Variants in BPIFB1 observed in about 807,000 individuals in gnomAD.
The protein encoded by BPIFB1 is BPI fold containing family B member 1, also known as BPI fold-containing family B member 1.
BPIFB1 carries 34 observed loss-of-function variants against 55.1 expected under a neutral mutation model. The ratio of observed to expected loss-of-function variants is 0.62; its 90% CI spans 0.47 to 0.82. BPIFB1 has a LOEUF of 0.82. BPIFB1 is among the 40% of genes least tolerant of loss of function. The pLI is 0.00. For missense variants in BPIFB1, 532 were observed against 593.1 expected, an observed-to-expected ratio of 0.90 and a Z score of 1.07; for synonymous variants, 236 against 245.3, an observed-to-expected ratio of 0.96 and a Z score of 0.35.
Position 33,305,692 on chromosome 20 carries a change from G to A in BPIFB1, c.1255-310G>A, listed in dbSNP as rs376526284. ...CTTCCCTCCAGAAGTCAGAAGTTCA[G>A]GCAATGCAGGGCAAAATTCCCTCAG... On this transcript the variant is annotated intron_variant, in intron 13 of 15. Transcript: ENST00000253354. Among the ~76,000 whole-genome samples, 4 of 152,088 alleles carry A rather than the reference G, an allele frequency of 2.6e-5. No individual in the cohort carries two copies. The East Asian group carries it at 7.7e-4, about 29-fold the overall frequency.
intron 14 of BPIFB1, chr20:33,306,690 G>A (rs1981037428): frequency 3.5e-6 from 2 of 579,196 alleles, no homozygotes; most frequent in South Asian, 4.1e-5. Context: ...GAGAATGTGA[G>A]GACTGCATTT....
At chr20:33,298,044 GGATA>G (rs1205832428) in intron 7 of BPIFB1, among the ~76,000 whole-genome samples, 2 of 152,110 alleles carry the variant, frequency 1.3e-5, no homozygotes, top group African/African-American at 2.4e-5. Context: ...ATGGATGGAT[GGATA>G]GATGGATGGA....
intron 15 of BPIFB1, 55 bp downstream of exon 15, chr20:33,307,042 G>GCCCT (rs1981053929): frequency 2.6e-6 from 4 of 1,534,944 alleles, no homozygotes; most frequent in Non-Finnish European, 3.6e-6. Flanking sequence ...GCCACTGAGA[G>GCCCT]CCCTGGCTGG....
chr20:33,289,135 C>G (rs747188506), intron 3 of BPIFB1, among the ~76,000 whole-genome samples: 23 of 152,130 alleles, frequency 1.5e-4, no homozygotes, highest in Non-Finnish European at 2.5e-4. Context: ...AATCCCAGCA[C>G]TTTGGGAGGC....
intron 7 of BPIFB1, 159 bp downstream of exon 7, chr20:33,297,747 G>A (rs1223643000): frequency 2.3e-5 from 17 of 751,726 alleles, no homozygotes; most frequent in South Asian, 1.0e-4. Flanking sequence ...CCCCAGACGC[G>A]CAGACAGAAA....
chr20:33,305,511 G>T (rs184742485), intron 13 of BPIFB1, among the ~76,000 whole-genome samples: 86 of 151,848 alleles, frequency 5.7e-4, no homozygotes, highest in Non-Finnish European at 9.9e-4. Context: ...TAGAGACAGG[G>T]TTTCACCATG....
chr20:33,303,465 T>G (rs11908550), intron 11 of BPIFB1, among the ~76,000 whole-genome samples: 1 of 152,210 alleles, frequency 6.6e-6, no homozygotes. Context: ...TATTCCCTCA[T>G]GGTAGTGCCC....
rs1235982482 is a variant in BPIFB1, at chr20:33,289,935, C to T, written c.308C>T (p.Ala103Val). Reference protein sequence around the residue: ...NILQLQVKPSANDQELLVKIP... With the variant: ...NILQLQVKPSVNDQELLVKIP... ...CTCCAGCTGCAGGTGAAGCCCTCGG[C>T]CAATGACCAGGAGCTGCTAGTCAAG... Residue 103 changes from alanine to valine, a missense_variant, in exon 4 of 16, where the codon GCC becomes GTC. Transcript: ENST00000253354. 6.2e-7 allele frequency: 1 copy of T among 1,614,036 alleles called. No homozygotes were observed. The highest frequency in any genetic ancestry group is 8.5e-7 in the Non-Finnish European group (1 of 1,180,036).
intron 13 of BPIFB1, among the ~76,000 whole-genome samples, chr20:33,305,521 G>T (rs931384225): frequency 1.3e-5 from 2 of 151,974 alleles, no homozygotes; most frequent in Admixed American, 6.6e-5. Context: ...GTTTCACCAT[G>T]TTAGCCAAGA....
At chr20:33,293,636 C>T (rs1020845319) in intron 6 of BPIFB1, among the ~76,000 whole-genome samples, 9 of 152,064 alleles carry the variant, frequency 5.9e-5, no homozygotes, top group African/African-American at 1.9e-4. Context: ...CCAGGATTTG[C>T]GACTTGCCTG....
At chr20:33,306,642 T>A (rs1600670751) in intron 14 of BPIFB1, 1 of 484,302 alleles carries the variant, frequency 2.1e-6, no homozygotes, top group Non-Finnish European at 3.7e-6. Context: ...CTGCTGGGGA[T>A]AATGGGAGCC....
At chr20:33,285,495 C>T (rs1329253996) in intron 1 of BPIFB1, among the ~76,000 whole-genome samples, 10 of 151,588 alleles carry the variant, frequency 6.6e-5, no homozygotes, top group East Asian at 1.9e-4. Flanking sequence ...GGGCAGATCA[C>T]GAGGTCAGGA....
At position 33,288,875 on chromosome 20, in the gene BPIFB1, A is replaced by G. The variant is rs1078761; in HGVS notation, c.250A>G (p.Ile84Val). ...CCTGGTGAACACCGTCCTGAAGCAC[A>G]TCATCTGGTGAGTGGAGCAGGACCA... ...GSLVNTVLKH[I>V]IWLKVITANI... The change falls in exon 3 of 16, where the codon ATC becomes GTC. Residue 84 changes from isoleucine to valine, a missense_variant. Coordinates refer to ENST00000253354, the MANE Select transcript of BPIFB1 (RefSeq NM_033197.3). The G allele has an allele frequency of 0.28, 450,643 of 1,612,544 alleles. 65,697 individuals carry two copies. Among genetic ancestry groups the G allele is most frequent in the African/African-American group, 0.46 (34,619 of 74,928 alleles).
intron 6 of BPIFB1, among the ~76,000 whole-genome samples, chr20:33,295,664 G>GGAAGAAAGAAAGAAAGAGAA (rs1980619422): frequency 6.9e-6 from 1 of 143,886 alleles, no homozygotes; most frequent in Admixed American, 7.1e-5. Context: ...AAGAAAGAGA[G>GGAAGAAAGAAAGAAAGAGAA]AAAGAAAGAA....
At chr20:33,306,119 C>T (rs1981018817) in intron 14 of BPIFB1, 54 bp downstream of exon 14, 1 of 1,584,920 alleles carries the variant, frequency 6.3e-7, no homozygotes, top group Non-Finnish European at 8.7e-7. Context: ...GGCTTTACTT[C>T]CCCTGCCCTC....
chr20:33,304,129 G>A lies in BPIFB1; in HGVS notation c.1208+104G>A, dbSNP rs535703617. On this transcript the variant is annotated intron_variant, in intron 12 of 15. Transcript: ENST00000253354. The stretch of plus-strand genomic sequence containing the variant: ...GACTTTGTGGCTGTCAGGTGAAGGC[G>A]GCTCCAGGGTAGGCAGGGAGGTCCT... 173 of 1,018,368 alleles carry A rather than the reference G, an allele frequency of 1.7e-4. No individual in the cohort carries two copies. The South Asian group carries it at 2.1e-3, about 12-fold the overall frequency. The allele number at this position is 1,018,368 out of a possible 1,614,324, so 63.1% of individuals were successfully genotyped here.
rs1272586906 is a variant in BPIFB1, at chr20:33,302,804, C to G, written c.982-112C>G. ...TGCAAGAAGGACAGGGTGGCTGGAA[C>G]ACGTGAGGGAGCAGGGAGCCCAGGA... On this transcript the variant is annotated intron_variant, in intron 10 of 15. Transcript: ENST00000253354. The G allele has an allele frequency of 4.8e-5, 59 of 1,222,298 alleles. 1 individual carries two copies. In the East Asian group the frequency reaches 1.1e-3, roughly 23 times the overall value. The allele number at this position is 1,222,298 out of a possible 1,614,324, so 75.7% of individuals were successfully genotyped here.
chr20:33,292,100 G>C, intron 6 of BPIFB1, 112 bp downstream of exon 6: 1 of 989,046 alleles, frequency 1.0e-6, no homozygotes. Context: ...GGGTTTTGCT[G>C]AAAGAATTAT....
intron 12 of BPIFB1, among the ~76,000 whole-genome samples, chr20:33,304,532 A>G (rs561931588): frequency 1.3e-5 from 2 of 152,318 alleles, no homozygotes; most frequent in Non-Finnish European, 2.9e-5. Context: ...AATCCTACAT[A>G]GCAACAAACT....
Sources: allele counts gnomAD v4.1 joint callset (sites outside exome capture counted in the v4.1 genomes callset), GRCh38; gene constraint gnomAD v4.1.1; transcripts MANE v1.5; gene names NCBI Gene and HGNC (gene_info 2026-07-23, HGNC 2026-07-21).